CCNE2: variants seen among roughly 807,000 people sequenced by gnomAD.
CCNE2 encodes cyclin E2.
A neutral mutation model predicts 56.8 loss-of-function variants in CCNE2; 18 were observed. The observed-to-expected ratio is 0.32, with a 90% confidence interval of 0.22 to 0.47. CCNE2 has a LOEUF of 0.47. CCNE2 is among the 20% of genes least tolerant of loss of function. The probability of loss-of-function intolerance (pLI) is 1.00; values close to 1 mark genes in which losing one functional copy is unlikely to be tolerated. For synonymous variants in CCNE2, 139 were observed against 149.2 expected, an observed-to-expected ratio of 0.93 and a Z score of 0.50; for missense variants, 371 against 467.1, an observed-to-expected ratio of 0.79 and a Z score of 1.90.
Position 94,890,451 on chromosome 8 carries a change from T to G in CCNE2, c.417A>C (p.Pro139=), listed in dbSNP as rs1586554483. 6.2e-7 allele frequency: 1 copy of G among 1,609,134 alleles called. No homozygotes were observed. Among genetic ancestry groups the G allele is most frequent in the South Asian group, 1.1e-5 (1 of 90,378 alleles). The change falls in exon 6 of 12, where the codon CCA becomes CCC. Residue 139 remains proline, a synonymous_variant. Coordinates refer to ENST00000308108, the MANE Select transcript of CCNE2 (RefSeq NM_057749.3). ...HFEVLHSDLE[P]QMRSILLDWL... is the part of the protein sequence containing the mutation. ...AGTCTAGAAGTATGGACCTCATCTG[T>G]GGTTCCAAGTCAGAATGCAGAACTT...
In CCNE2 at chr8:94,881,709, C is replaced by T. The variant is rs1394610640; in HGVS notation, c.1138G>A (p.Gly380Arg). The T allele has an allele frequency of 6.2e-7, 1 of 1,613,674 alleles. No homozygotes were observed. Among genetic ancestry groups the T allele is most frequent in the Non-Finnish European group, 8.5e-7 (1 of 1,179,754 alleles). The change falls in exon 12 of 12, where the codon GGA (glycine) becomes AGA (arginine). Residue 380 changes from glycine (G) to arginine (R), a missense_variant. Transcript: ENST00000308108. ...CCATTGCACACTGGTGACAACTGTC[C>T]CCCTTTTCTGAAGGTGTTTATGTAA... Reference protein sequence around the residue: ...VNYINTFRKGGQLSPVCNGGI... With the variant: ...VNYINTFRKGRQLSPVCNGGI...
chr8:94,882,817 G>A lies in CCNE2; in HGVS notation c.907C>T (p.His303Tyr), dbSNP rs1816877408. The change falls in exon 10 of 12, where the codon CAT (histidine) becomes TAT (tyrosine). Residue 303 changes from histidine (H) to tyrosine (Y), a missense_variant. His to Tyr is a moderately conservative substitution (Grantham distance 83). Coordinates refer to ENST00000308108, the MANE Select transcript of CCNE2 (RefSeq NM_057749.3). The stretch of plus-strand genomic sequence containing the variant: ...TTAACCACTTCAATGGAGGTAAAAT[G>A]GCACAAGGCAGCAGCAGTCAGTATT... The part of the protein sequence containing the change: ...YRILTAAALC[H>Y]FTSIEVVKKA... 6.2e-7 allele frequency: 1 copy of A among 1,613,670 alleles called. No homozygotes were observed. The highest frequency in any genetic ancestry group is 1.3e-5 in the African/African-American group (1 of 74,888).
intron 10 of CCNE2, 104 bp downstream of exon 10, chr8:94,882,677 T>G (rs1816869111): frequency 2.6e-6 from 2 of 775,086 alleles, no homozygotes; most frequent in Admixed American, 4.8e-5. Context: ...ATTTTTTTTT[T>G]GCCAAAGTTT....
At chr8:94,884,418 C>T (rs1264191552) in intron 9 of CCNE2, among the ~76,000 whole-genome samples, 1 of 150,852 alleles carries the variant, frequency 6.6e-6, no homozygotes, top group Non-Finnish European at 1.5e-5. Context: ...GCGATCTCGG[C>T]TCACTGCAAC....
intron 5 of CCNE2, 41 bp from the exon 6 acceptor site, chr8:94,890,591 ATTT>A (rs33988905): frequency 0.2 from 59,700 of 304,746 alleles, 2,564 homozygotes; most frequent in Middle Eastern, 0.26. Flanking sequence ...ATATATATAT[ATTT>A]TTTTTTTTTT....
At chr8:94,891,470 C>A (rs1359996528) in intron 5 of CCNE2, 4 of 282,418 alleles carry the variant, frequency 1.4e-5, no homozygotes, top group Non-Finnish European at 2.7e-5. Flanking sequence ...ACCAGCCTGG[C>A]CAACATGGTG....
intron 8 of CCNE2, 87 bp from the exon 9 acceptor site, chr8:94,885,288 C>T (rs1420644283): frequency 1.0e-5 from 13 of 1,262,084 alleles, no homozygotes; most frequent in Admixed American, 1.8e-5. Flanking sequence ...TAAGTACATT[C>T]CCCATCCAAC....
chr8:94,895,983 C>T (rs1392015982), upstream of CCNE2: 1 of 152,612 alleles, frequency 6.6e-6, no homozygotes, highest in Non-Finnish European at 1.5e-5. Context: ...TTTCCCTCCC[C>T]ATGGGTCGGT....
At chr8:94,883,092 G>A (rs181268044) in intron 9 of CCNE2, among the ~76,000 whole-genome samples, 200 bp from the exon 10 acceptor site, 1 of 152,002 alleles carries the variant, frequency 6.6e-6, no homozygotes, top group Non-Finnish European at 1.5e-5. Flanking sequence ...TGGCTAACAC[G>A]GTGAAACCCC....
rs780360302 is a variant in CCNE2 at position 94,885,226 on chromosome 8, CT to C, written c.697-26del. On this transcript the variant is annotated intron_variant, in intron 8 of 11. Coordinates refer to ENST00000308108, the MANE Select transcript of CCNE2 (RefSeq NM_057749.3). ...CCTATTAAACAAAATTTAAAAATGC[CT>C]GTTAATGAATGTAGACACATACACC... The C allele has an allele frequency of 2.9e-5, 46 of 1,608,432 alleles. 1 individual carries two copies. The East Asian group carries it at 1.0e-3, about 36-fold the overall frequency.
At chr8:94,886,261 C>G (rs181146130) in intron 7 of CCNE2, among the ~76,000 whole-genome samples, 4 of 152,238 alleles carry the variant, frequency 2.6e-5, no homozygotes, top group Admixed American at 2.0e-4. Flanking sequence ...ATTTTCATAT[C>G]TAGGTATCTA....
chr8:94,895,547 G>T (rs551136887), upstream of CCNE2, among the ~76,000 whole-genome samples: 7 of 152,316 alleles, frequency 4.6e-5, no homozygotes, highest in East Asian at 1.4e-3. Context: ...GATTTCGGGG[G>T]TGTCAGCCTG....
At chr8:94,891,960 T>A in intron 5 of CCNE2, 1 of 1,071,224 alleles carries the variant, frequency 9.3e-7, no homozygotes, top group Non-Finnish European at 1.4e-6. Context: ...ATGGTCGGAT[T>A]AACTCACACG....
At chr8:94,891,354 T>G in intron 5 of CCNE2, 1 of 250,028 alleles carries the variant, frequency 4.0e-6, no homozygotes, top group South Asian at 6.0e-5. Context: ...ATCAAGGGTA[T>G]GCATATATGA....
intron 7 of CCNE2, among the ~76,000 whole-genome samples, chr8:94,887,587 A>G (rs1817086102): frequency 6.6e-6 from 1 of 152,220 alleles, no homozygotes; most frequent in African/African-American, 2.4e-5. Flanking sequence ...TTAGCTGTTT[A>G]GTTTTCAAAG....
rs1334116612 is a variant in CCNE2, at chr8:94,885,052, T to C, written c.831+15A>G. ...ATTAATAACATTACCATTGAATCAA[T>C]AAAAATGTCAGTACCTGAGCTATTT... On this transcript the variant is annotated intron_variant, in intron 9 of 11. Transcript: ENST00000308108. 6.2e-7 allele frequency: 1 copy of C among 1,609,156 alleles called. No homozygotes were observed. Among genetic ancestry groups the C allele is most frequent in the Non-Finnish European group, 8.5e-7 (1 of 1,176,866 alleles).
upstream of CCNE2, among the ~76,000 whole-genome samples, chr8:94,895,434 T>C (rs562251095): frequency 1.9e-4 from 29 of 152,100 alleles, no homozygotes; most frequent in Middle Eastern, 0.014. Context: ...CCGGCGGCGG[T>C]AGGGAAACTC....
chr8:94,891,935 G>A (rs967273207), intron 5 of CCNE2: 48 of 1,175,204 alleles, frequency 4.1e-5, no homozygotes, highest in Admixed American at 1.0e-4. Context: ...ATGTGCCAAC[G>A]GACCTACAGA....
At chr8:94,883,001 C>A in intron 9 of CCNE2, 109 bp from the exon 10 acceptor site, 6 of 675,844 alleles carry the variant, frequency 8.9e-6, no homozygotes, top group Non-Finnish European at 1.5e-5. Context: ...CCCGGCCAGG[C>A]GCGGTGGCTC....
Sources: gnomAD v4.1 joint callset for allele counts (sites outside exome capture counted in the v4.1 genomes callset) on GRCh38, gnomAD v4.1.1 for gene constraint, MANE v1.5 for transcripts, NCBI Gene and HGNC (gene_info 2026-07-23, HGNC 2026-07-21) for gene names.